Variants in ZC3H4 observed in about 807,000 individuals in gnomAD.
The protein encoded by ZC3H4 is zinc finger CCCH domain-containing protein 4.
Under a neutral mutation model 108.3 loss-of-function variants are expected in ZC3H4, and 13 were observed. The ratio of observed to expected loss-of-function variants is 0.12; its 90% CI spans 0.08 to 0.19. The LOEUF (loss-of-function observed/expected upper bound fraction) is 0.19. Ranked by LOEUF, ZC3H4 falls within the 10% of genes least tolerant of loss-of-function variation. The probability of loss-of-function intolerance (pLI) is 1.00; values close to 1 mark genes in which losing one functional copy is unlikely to be tolerated. For synonymous variants in ZC3H4, 917 were observed against 749.6 expected (o/e 1.22, Z -3.65); for missense variants, 1,734 against 1,838.8 (o/e 0.94, Z 1.04).
intron 11 of ZC3H4, among the ~76,000 whole-genome samples, chr19:47,081,200 T>C (rs781270211): frequency 6.6e-6 from 1 of 152,226 alleles, no homozygotes; most frequent in East Asian, 1.9e-4. Flanking sequence ...TCTTTGTGTA[T>C]TGTGAGCTCT....
chr19:47,081,613 G>A lies in ZC3H4; in HGVS notation c.1340C>T (p.Pro447Leu). 6.2e-7 allele frequency: 1 copy of A among 1,614,042 alleles called. No homozygotes were observed. The highest frequency in any genetic ancestry group is 8.5e-7 in the Non-Finnish European group (1 of 1,179,918). ...CCCAGTGGTGTGGTACAGCTTACACGGGAAATCACGTTCATGGCAAATTAA... is the reference window on the plus strand; with the variant it reads ...CCCAGTGGTGTGGTACAGCTTACACAGGAAATCACGTTCATGGCAAATTAA... The part of the protein sequence containing the change: ...ENCPYMHGDF[P>L]CKLYHTTGNC... Residue 447 changes from proline (P) to leucine (L), a missense_variant, in exon 11 of 15, where the codon CCG (proline) becomes CTG (leucine). This residue lies in a region of ZC3H4 where 66 missense variants were observed against 166.8 expected (regional missense o/e 0.40). Transcript: ENST00000253048.
At chr19:47,092,295 C>A (rs960758876) in intron 4 of ZC3H4, among the ~76,000 whole-genome samples, 4 of 152,236 alleles carry the variant, frequency 2.6e-5, no homozygotes, top group African/African-American at 7.2e-5. Context: ...GCTAGACACA[C>A]AGACACACAT....
chr19:47,084,628 C>T (rs968036368), intron 8 of ZC3H4, among the ~76,000 whole-genome samples, 173 bp from the exon 9 acceptor site: 6 of 152,196 alleles, frequency 3.9e-5, no homozygotes, highest in African/African-American at 1.2e-4. Context: ...ATAAGCCCCA[C>T]GGTGTGGGGT....
At chr19:47,096,462 A>G (rs1401898446) in intron 2 of ZC3H4, among the ~76,000 whole-genome samples, 1 of 152,252 alleles carries the variant, frequency 6.6e-6, no homozygotes, top group Non-Finnish European at 1.5e-5. Context: ...GGGCCACATG[A>G]CTGGGAAAAC....
intron 2 of ZC3H4, 40 bp downstream of exon 2, chr19:47,112,384 C>A (rs1304450705): frequency 8.1e-7 from 1 of 1,230,932 alleles, no homozygotes; most frequent in Non-Finnish European, 1.0e-6. Flanking sequence ...TCCTCTTCCT[C>A]CCCCCGGGGA....
chr19:47,071,037 G>T (rs575277613), intron 13 of ZC3H4, among the ~76,000 whole-genome samples: 4 of 152,180 alleles, frequency 2.6e-5, no homozygotes, highest in Admixed American at 2.0e-4. Flanking sequence ...TCCTCACGTT[G>T]TGAGTGCCGC....
chr19:47,091,328 T>C lies in ZC3H4; in HGVS notation c.493-1139A>G, dbSNP rs369950206. Among the ~76,000 whole-genome samples the C allele has an allele frequency of 6.6e-5, 10 of 152,254 alleles. No homozygotes were observed. In the East Asian group the frequency reaches 1.5e-3, roughly 24 times the overall value. On this transcript the variant is annotated intron_variant, in intron 4 of 14. Coordinates refer to ENST00000253048, the MANE Select transcript of ZC3H4 (RefSeq NM_015168.2). ...GCTCACACCTGTAATCCCAGCACTGTGGGAGGCCCAGGCAGGCAGATCTCT... is the reference window on the plus strand; with the variant it reads ...GCTCACACCTGTAATCCCAGCACTGCGGGAGGCCCAGGCAGGCAGATCTCT...
chr19:47,076,326 CA>C (rs2057418562), intron 11 of ZC3H4, among the ~76,000 whole-genome samples: 1 of 8,934 alleles, frequency 1.1e-4, no homozygotes. Flanking sequence ...CGCGCGCGCG[CA>C]CACACACACA....
intron 11 of ZC3H4, among the ~76,000 whole-genome samples, chr19:47,080,942 G>A (rs889858018): frequency 9.2e-5 from 14 of 151,888 alleles, no homozygotes; most frequent in African/African-American, 3.4e-4. Context: ...TAAGTTTTTT[G>A]TATTTTTTTT....
intron 4 of ZC3H4, among the ~76,000 whole-genome samples, chr19:47,091,083 T>C (rs1006461003): frequency 6.6e-6 from 1 of 150,820 alleles, no homozygotes; most frequent in African/African-American, 2.4e-5. Flanking sequence ...ATGCGATCTC[T>C]ACTAAAAATG....
Position 47,097,119 on chromosome 19 carries a change from G to C in ZC3H4, c.162-2511C>G, listed in dbSNP as rs528620769. 4.1e-5 allele frequency: 20 copies of C among 483,690 alleles called. No homozygotes were observed. The African/African-American group carries it at 4.2e-4, about 10-fold the overall frequency. 30.0% of individuals were successfully genotyped at this position (483,690 alleles called of 1,614,324 possible). On this transcript the variant is annotated intron_variant, in intron 2 of 14. Transcript: ENST00000253048. Reference sequence around the variant, plus strand: ...ATTCTAGAAAGGAATCACCAAGGTAGAGAAGTGCAGCATTCAAATTCACCC... The same window carrying C: ...ATTCTAGAAAGGAATCACCAAGGTACAGAAGTGCAGCATTCAAATTCACCC...
chr19:47,101,006 T>C (rs368367620), intron 2 of ZC3H4, among the ~76,000 whole-genome samples: 4 of 152,026 alleles, frequency 2.6e-5, no homozygotes, highest in African/African-American at 4.8e-5. Context: ...CCTGTAGTTA[T>C]GTTTTTAAAT....
chr19:47,077,985 C>T (rs28590228), intron 11 of ZC3H4, among the ~76,000 whole-genome samples: 76,741 of 151,892 alleles, frequency 0.51, 22,730 homozygotes, highest in Non-Finnish European at 0.68. Context: ...GAAAATATTG[C>T]TCTCTACAGA....
intron 11 of ZC3H4, among the ~76,000 whole-genome samples, chr19:47,074,752 C>T (rs1432041058): frequency 6.6e-6 from 1 of 152,234 alleles, no homozygotes; most frequent in Non-Finnish European, 1.5e-5. Flanking sequence ...GAGCAAGTCT[C>T]CTCGCAGACA....
chr19:47,101,807 G>C (rs1308240545), intron 2 of ZC3H4, among the ~76,000 whole-genome samples: 1 of 151,524 alleles, frequency 6.6e-6, no homozygotes, highest in Admixed American at 6.6e-5. Flanking sequence ...GGAGGCAGAG[G>C]TTGCAATGAG....
intron 14 of ZC3H4, among the ~76,000 whole-genome samples, chr19:47,068,870 G>T (rs2057269960): frequency 6.6e-6 from 1 of 152,164 alleles, no homozygotes; most frequent in Non-Finnish European, 1.5e-5. Flanking sequence ...TACTCCATGG[G>T]ATCAGGGTCT....
intron 2 of ZC3H4, chr19:47,112,177 C>A: frequency 8.5e-7 from 1 of 1,181,500 alleles, no homozygotes; most frequent in Non-Finnish European, 1.0e-6. Context: ...CCAAAAAAGA[C>A]AGAGCGAGAG....
chr19:47,083,444 C>T (rs890375150), intron 9 of ZC3H4, among the ~76,000 whole-genome samples: 1 of 152,048 alleles, frequency 6.6e-6, no homozygotes, highest in Non-Finnish European at 1.5e-5. Context: ...AAATACTGCC[C>T]GGGCACGGTA....
chr19:47,068,950 C>T (rs924173279), intron 14 of ZC3H4, 142 bp downstream of exon 14: 19 of 1,507,276 alleles, frequency 1.3e-5, no homozygotes, highest in South Asian at 2.6e-5. Flanking sequence ...AGCCCCAGCC[C>T]GGCTTCATGG....
Sources: allele counts gnomAD v4.1 joint callset (sites outside exome capture counted in the v4.1 genomes callset), GRCh38; gene constraint gnomAD v4.1.1; regional missense constraint gnomAD v4.1.1; transcripts MANE v1.5; gene names NCBI Gene and HGNC (gene_info 2026-07-23, HGNC 2026-07-21).